MMP12: variants seen among roughly 807,000 people sequenced by gnomAD.
MMP12 encodes macrophage metalloelastase.
MMP12 carries 51 observed loss-of-function variants against 45.2 expected under a neutral mutation model. That is an observed-to-expected ratio of 1.13 (90% CI 0.90 to 1.42). MMP12 has a LOEUF of 1.42. Ranked by LOEUF, MMP12 falls within the 40% of genes most tolerant of loss-of-function variation. The pLI is 0.00. For missense variants in MMP12, 530 were observed against 570.8 expected (o/e 0.93, Z 0.73); for synonymous variants, 210 against 193.3 (o/e 1.09, Z -0.72).
chr11:102,874,234 A>G (rs1478015480), intron 1 of MMP12, among the ~76,000 whole-genome samples: 1 of 152,072 alleles, frequency 6.6e-6, no homozygotes, highest in Non-Finnish European at 1.5e-5. Flanking sequence ...TAAGAATTGA[A>G]AAAAATCCAT....
rs529882264 is a variant in MMP12, at chr11:102,863,250, T to TACA, written c.1313-53_1313-51dup. 115 of 984,590 alleles carry TACA rather than the reference T, an allele frequency of 1.2e-4. No homozygotes were observed. In the African/African-American group the frequency reaches 1.3e-3, roughly 11 times the overall value. 61.0% of individuals were successfully genotyped at this position (984,590 alleles called of 1,614,324 possible). On this transcript the variant is annotated intron_variant, in intron 9 of 9. Transcript: ENST00000571244. ...GTTTAATTCCCTCCCTGTATTTCTT[T>TACA]ACAACAACAACAACAACACAAATCT...
chr11:102,866,780 C>T (rs1346203236), intron 6 of MMP12, among the ~76,000 whole-genome samples: 1 of 152,112 alleles, frequency 6.6e-6, no homozygotes, highest in African/African-American at 2.4e-5. Flanking sequence ...GTCTTATAAT[C>T]TCAAAAATGG....
At chr11:102,873,231 TACTC>T in intron 1 of MMP12, 119 bp from the exon 2 acceptor site, 1 of 832,332 alleles carries the variant, frequency 1.2e-6, no homozygotes, top group Non-Finnish European at 1.9e-6. Flanking sequence ...TTGCACATCT[TACTC>T]ACAGGTTAGA....
intron 2 of MMP12, among the ~76,000 whole-genome samples, chr11:102,872,498 G>A (rs1859518216): frequency 1.3e-5 from 2 of 151,998 alleles, no homozygotes; most frequent in African/African-American, 4.8e-5. Flanking sequence ...GCGCCACCAC[G>A]CCCAGCTAAT....
Position 102,865,619 on chromosome 11 carries a change from T to C in MMP12, c.1205+157A>G, listed in dbSNP as rs1337926455. On this transcript the variant is annotated intron_variant, in intron 8 of 9. Coordinates refer to ENST00000571244, the MANE Select transcript of MMP12 (RefSeq NM_002426.6). This position sits in a 1 kb window ranked among gnomAD's most constrained non-coding sequence, Gnocchi z 4.1. ...GAAACCAAAAACACAAAGAACTAAG[T>C]TGACAATAACTATTTCAGTCCTATA... is the stretch of plus-strand genomic sequence containing the variant. 6.6e-6 allele frequency among the ~76,000 whole-genome samples: 1 copy of C among 152,180 alleles called. No homozygotes were observed. The highest frequency in any genetic ancestry group is 2.4e-5 in the African/African-American group (1 of 41,460).
chr11:102,873,210 G>T, intron 1 of MMP12, 98 bp from the exon 2 acceptor site: 2 of 1,072,374 alleles, frequency 1.9e-6, no homozygotes, highest in Non-Finnish European at 2.7e-6. Flanking sequence ...GATGCTTTTG[G>T]ACCAGGAATT....
rs1555009297 is a variant in MMP12 at position 102,871,450 on chromosome 11, TA to T, written c.625+143del. Reference sequence around the variant, plus strand: ...TAAATTTGATTTAGAGGCAAAATTATAATCAGAACAAGATTTTCCATCATAT... The same window carrying T: ...TAAATTTGATTTAGAGGCAAAATTATATCAGAACAAGATTTTCCATCATAT... On this transcript the variant is annotated intron_variant, in intron 4 of 9. Coordinates refer to ENST00000571244, the MANE Select transcript of MMP12 (RefSeq NM_002426.6). 5 of 1,090,722 alleles carry T rather than the reference TA, an allele frequency of 4.6e-6. No individual in the cohort carries two copies. The East Asian group carries it at 1.3e-4, about 28-fold the overall frequency. The allele number at this position is 1,090,722 out of a possible 1,614,324, so 67.6% of individuals were successfully genotyped here.
intron 4 of MMP12, among the ~76,000 whole-genome samples, chr11:102,869,140 G>A (rs1430232355): frequency 6.6e-6 from 1 of 152,132 alleles, no homozygotes; most frequent in Non-Finnish European, 1.5e-5. Flanking sequence ...TTGTCCCCTA[G>A]TCCAATGCCT....
chr11:102,864,078 T>G, intron 9 of MMP12, 68 bp downstream of exon 9: 1 of 1,230,528 alleles, frequency 8.1e-7, no homozygotes, highest in South Asian at 1.3e-5. Flanking sequence ...CCCTATTCTC[T>G]AATCTTAGAG....
intron 4 of MMP12, among the ~76,000 whole-genome samples, chr11:102,870,612 G>T (rs1859476062): frequency 6.6e-6 from 1 of 152,158 alleles, no homozygotes; most frequent in Non-Finnish European, 1.5e-5. Flanking sequence ...TGTCATGATG[G>T]TTAGGGTTTT....
chr11:102,867,796 A>G (rs1555008784), intron 5 of MMP12, 112 bp downstream of exon 5: 1 of 1,131,654 alleles, frequency 8.8e-7, no homozygotes, highest in Non-Finnish European at 1.3e-6. Context: ...CAGGGTTCTT[A>G]TGCGGCTTAA....
chr11:102,871,820 C>A lies in MMP12; in HGVS notation c.483G>T (p.Val161=). ...GTTCCCTACCTCCACGGGCAAAAAC[C>A]ACCAAAATGTCAGCCATGCCTGTGT... ...KINTGMADIL[V]VFARGAHGDF... is the part of the protein sequence containing the mutation. Residue 161 remains valine (V), a synonymous_variant, in exon 3 of 10, where the codon GTG becomes GTT. Coordinates refer to ENST00000571244, the MANE Select transcript of MMP12 (RefSeq NM_002426.6). 1 of 1,613,408 alleles carries A rather than the reference C, an allele frequency of 6.2e-7. No homozygotes were observed. Among genetic ancestry groups the A allele is most frequent in the Non-Finnish European group, 8.5e-7 (1 of 1,179,628 alleles).
chr11:102,869,262 G>C (rs1565233982), intron 4 of MMP12, among the ~76,000 whole-genome samples: 1 of 151,724 alleles, frequency 6.6e-6, no homozygotes, highest in Non-Finnish European at 1.5e-5. Flanking sequence ...CCATACCCAA[G>C]TGCAAAGAGT....
chr11:102,867,903 C>T lies in MMP12; in HGVS notation c.787+5G>A. 2.5e-6 allele frequency: 4 copies of T among 1,605,896 alleles called. No homozygotes were observed. The highest frequency in any genetic ancestry group is 2.2e-5 in the South Asian group (2 of 88,974). ...TATGGCAAAATGATAAAGAATTCAA[C>T]TCACCATACAGGGACTGAATGCCAC... On this transcript the variant is annotated splice_donor_5th_base_variant and intron_variant, in intron 5 of 9. Transcript: ENST00000571244.
intron 1 of MMP12, among the ~76,000 whole-genome samples, chr11:102,873,342 G>A (rs1555009692): frequency 6.6e-6 from 1 of 152,180 alleles, no homozygotes; most frequent in Admixed American, 6.5e-5. Context: ...GCTCAGGCCT[G>A]TAATCCCAGC....
At chr11:102,870,917 G>T (rs1859481237) in intron 4 of MMP12, among the ~76,000 whole-genome samples, 1 of 152,090 alleles carries the variant, frequency 6.6e-6, no homozygotes, top group African/African-American at 2.4e-5. Flanking sequence ...TCCTCTAATT[G>T]TTGGCACACA....
intron 5 of MMP12, 73 bp downstream of exon 5, chr11:102,867,835 A>G: frequency 4.8e-6 from 7 of 1,447,682 alleles, no homozygotes; most frequent in Non-Finnish European, 6.6e-6. Context: ...GTTTTATCCA[A>G]ATATAGATAT....
chr11:102,866,212 A>G, intron 7 of MMP12, 103 bp downstream of exon 7: 1 of 1,184,568 alleles, frequency 8.4e-7, no homozygotes, highest in Non-Finnish European at 1.2e-6. Context: ...AATAAAATCA[A>G]GAGTGCTTTC....
Position 102,874,977 on chromosome 11 carries a change from C to A in MMP12, c.-40G>T. 2 of 1,357,178 alleles carry A rather than the reference C, an allele frequency of 1.5e-6. No individual in the cohort carries two copies. The highest frequency in any genetic ancestry group is 2.1e-6 in the Non-Finnish European group (2 of 969,894). 84.1% of individuals were successfully genotyped at this position (1,357,178 alleles called of 1,614,324 possible). On this transcript the variant is annotated 5_prime_UTR_variant, in exon 1 of 10. In the 5' UTR this introduces an upstream ATG that the reference lacks. Coordinates refer to ENST00000571244, the MANE Select transcript of MMP12 (RefSeq NM_002426.6). ...CGGATCAATTCAGTTTACTGTGTTCCTTTCTAGCCTAAGTTCCTGAACTGT... is the reference window on the plus strand; with the variant it reads ...CGGATCAATTCAGTTTACTGTGTTCATTTCTAGCCTAAGTTCCTGAACTGT...
Sources: allele counts gnomAD v4.1 joint callset (sites outside exome capture counted in the v4.1 genomes callset), GRCh38; gene constraint gnomAD v4.1.1; non-coding constraint Gnocchi (gnomAD v3.1); transcripts MANE v1.5; gene names NCBI Gene and HGNC (gene_info 2026-07-23, HGNC 2026-07-21).